The following OR5K4 variants were observed in gnomAD, a reference collection of about 807,000 sequenced individuals.
OR5K4 encodes olfactory receptor family 5 subfamily K member 4, also known as olfactory receptor 5K4.
In OR5K4, 16 loss-of-function variants were observed where a neutral mutation model predicts 11.8. The observed-to-expected ratio is 1.36, with a 90% CI of 0.92 to 2.06. The LOEUF (loss-of-function observed/expected upper bound fraction) is 2.06. Among genes scored for constraint, OR5K4 ranks in the 30% most tolerant of loss-of-function variants. OR5K4 has a pLI of 0.00. For synonymous variants in OR5K4, 152 were observed against 135.1 expected (o/e 1.12, Z -0.87); for missense variants, 442 against 386.9 (o/e 1.14, Z -1.19).
In OR5K4 at chr3:98,354,784, A is replaced by C; in HGVS notation, c.931A>C (p.Thr311Pro). Reference protein sequence around the residue: ...IMRNYNILKQTCSIANLFLIY With the variant: ...IMRNYNILKQPCSIANLFLIY ...GAGGAATTATAACATTCTTAAACAA[A>C]CTTGCTCTATAGCAAATTTATTTTT... The change falls in exon 1 of 1, where the codon ACT (threonine) becomes CCT (proline). Residue 311 changes from threonine (T) to proline (P), a missense_variant. Transcript: ENST00000354924. 1 of 1,376,126 alleles carries C rather than the reference A, an allele frequency of 7.3e-7. No individual in the cohort carries two copies. The highest frequency in any genetic ancestry group is 1.0e-6 in the Non-Finnish European group (1 of 1,003,036). The allele number at this position is 1,376,126 out of a possible 1,614,324, so 85.2% of individuals were successfully genotyped here.
chr3:98,354,682 A>G lies in OR5K4; in HGVS notation c.829A>G (p.Ile277Val), dbSNP rs764917195. ...KDTPVAIFYA[I>V]VIPLLNPFIY... ...TACACCAGTGGCAATATTTTATGCA[A>G]TAGTAATCCCATTACTAAACCCTTT... The change falls in exon 1 of 1, where the codon ATA (isoleucine) becomes GTA (valine). Residue 277 changes from isoleucine to valine, a missense_variant. Transcript: ENST00000354924. 1.9e-6 allele frequency: 3 copies of G among 1,608,098 alleles called. No individual in the cohort carries two copies. Among genetic ancestry groups the G allele is most frequent in the Non-Finnish European group, 2.6e-6 (3 of 1,174,920 alleles).
At position 98,354,587 on chromosome 3, in the gene OR5K4, TTC is replaced by T. The variant is rs756895563; in HGVS notation, c.740_741del (p.Ser247CysfsTer16). On this transcript the variant is annotated frameshift_variant, in exon 1 of 1. Transcript: ENST00000354924. LOFTEE classifies it high-confidence loss of function. ...GCATTTTCTACCTGTGCATCCCACT[TTC>T]TCTCTGTCTCAATATTTTACATTTG... The T allele has an allele frequency of 8.7e-6, 14 of 1,613,832 alleles. No homozygotes were observed. In the East Asian group the frequency reaches 1.6e-4, roughly 18 times the overall value.
chr3:98,354,318 T>G lies in OR5K4; in HGVS notation c.465T>G (p.His155Gln). 1 of 1,614,202 alleles carries G rather than the reference T, an allele frequency of 6.2e-7. No individual in the cohort carries two copies. Among genetic ancestry groups the G allele is most frequent in the Non-Finnish European group, 8.5e-7 (1 of 1,180,032 alleles). ...TTGAFKAGNL[H>Q]SMIHVGLLLR... ...GGGCCTTCAAAGCTGGAAACCTGCA[T>G]TCCATGATTCATGTAGGGCTTTTAT... The change falls in exon 1 of 1, where the codon CAT becomes CAG. Residue 155 changes from histidine (H) to glutamine (Q), a missense_variant. Physicochemically the swap from His to Gln is conservative, Grantham distance 24. Transcript: ENST00000354924.
Position 98,354,622 on chromosome 3 carries a change from A to C in OR5K4, c.769A>C (p.Met257Leu). 1 of 1,613,318 alleles carries C rather than the reference A, an allele frequency of 6.2e-7. No individual in the cohort carries two copies. The highest frequency in any genetic ancestry group is 8.5e-7 in the Non-Finnish European group (1 of 1,179,394). ...SVSIFYICLLMYIGPSEEGDK... is the reference protein window; with the variant it reads ...SVSIFYICLLLYIGPSEEGDK... ...CTCAATATTTTACATTTGTCTTCTC[A>C]TGTATATTGGACCATCTGAAGAAGG... The change falls in exon 1 of 1, where the codon ATG becomes CTG. Residue 257 changes from methionine (M) to leucine (L), a missense_variant. By Grantham distance (15) the Met-to-Leu change is conservative (BLOSUM62 2). Transcript: ENST00000354924.
At position 98,354,094 on chromosome 3, in the gene OR5K4, A is replaced by ATCT. The variant is rs767997558; in HGVS notation, c.242_243insCTT (p.Met81delinsIleLeu). ...CTGTTCCTGTGCTGTTACCCCCAAG[A>ATCT]TGTTAGAGAATTTCTTTTCTGAGGA... On this transcript the variant is annotated protein_altering_variant, in exon 1 of 1. Transcript: ENST00000354924. The ATCT allele has an allele frequency of 1.9e-6, 3 of 1,614,016 alleles. No homozygotes were observed. The highest frequency in any genetic ancestry group is 1.7e-6 in the Non-Finnish European group (2 of 1,180,026).
chr3:98,353,886 A>T lies in OR5K4; in HGVS notation c.33A>T (p.Glu11Asp). 1 of 1,612,902 alleles carries T rather than the reference A, an allele frequency of 6.2e-7. No individual in the cohort carries two copies. Among genetic ancestry groups the T allele is most frequent in the Non-Finnish European group, 8.5e-7 (1 of 1,179,532 alleles). Reference protein sequence around the residue: MARENHSLAAEFILIGFTNYP... With the variant: MARENHSLAADFILIGFTNYP... ...GGGAAAATCACTCCTTAGCAGCTGA[A>T]TTCATCCTCATAGGATTTACAAATT... Residue 11 changes from glutamate to aspartate, a missense_variant, in exon 1 of 1, where the codon GAA (glutamate) becomes GAT (aspartate). By Grantham distance (45) the Glu-to-Asp change is conservative. Coordinates refer to ENST00000354924, the MANE Select transcript of OR5K4 (RefSeq NM_001005517.1).
Position 98,354,677 on chromosome 3 carries a change from A to G in OR5K4, c.824A>G (p.Tyr275Cys). The G allele has an allele frequency of 6.2e-7, 1 of 1,609,102 alleles. No homozygotes were observed. Among genetic ancestry groups the G allele is most frequent in the Non-Finnish European group, 8.5e-7 (1 of 1,175,788 alleles). ...GDKDTPVAIF[Y>C]AIVIPLLNPF... The stretch of plus-strand genomic sequence containing the variant: ...AAAGATACACCAGTGGCAATATTTT[A>G]TGCAATAGTAATCCCATTACTAAAC... Residue 275 changes from tyrosine (Y) to cysteine (C), a missense_variant, in exon 1 of 1, where the codon TAT becomes TGT. Coordinates refer to ENST00000354924, the MANE Select transcript of OR5K4 (RefSeq NM_001005517.1).
rs772967232 is a variant in OR5K4 at position 98,354,071 on chromosome 3, G to A, written c.218G>A (p.Cys73Tyr). 1.5e-5 allele frequency: 25 copies of A among 1,613,980 alleles called. No individual in the cohort carries two copies. The highest frequency in any genetic ancestry group is 3.3e-5 in the South Asian group (3 of 91,070). ...AACCTGGCTCTGATGGATTCCTGCT[G>A]TTCCTGTGCTGTTACCCCCAAGATG... Reference protein sequence around the residue: ...LGNLALMDSCCSCAVTPKMLE... With the variant: ...LGNLALMDSCYSCAVTPKMLE... Residue 73 changes from cysteine (C) to tyrosine (Y), a missense_variant, in exon 1 of 1, where the codon TGT becomes TAT. Transcript: ENST00000354924.
Position 98,354,451 on chromosome 3 carries a change from T to A in OR5K4, c.598T>A (p.Tyr200Asn). The A allele has an allele frequency of 6.2e-7, 1 of 1,610,800 alleles. No individual in the cohort carries two copies. Among genetic ancestry groups the A allele is most frequent in the Non-Finnish European group, 8.5e-7 (1 of 1,176,946 alleles). ...TDPSINELMI[Y>N]IFSIPIQIFT... ...TCCTTCTATTAATGAACTAATGATA[T>A]ATATCTTTTCAATACCAATTCAAAT... Residue 200 changes from tyrosine (Y) to asparagine (N), a missense_variant, in exon 1 of 1, where the codon TAT becomes AAT. Physicochemically the swap from Tyr to Asn is moderately radical, Grantham distance 143. Transcript: ENST00000354924.
Position 98,354,776 on chromosome 3 carries a change from T to G in OR5K4, c.923T>G (p.Leu308Arg). 1 of 1,423,744 alleles carries G rather than the reference T, an allele frequency of 7.0e-7. No homozygotes were observed. 88.2% of individuals were successfully genotyped at this position (1,423,744 alleles called of 1,614,324 possible). The change falls in exon 1 of 1, where the codon CTT becomes CGT. Residue 308 changes from leucine (L) to arginine (R), a missense_variant. Transcript: ENST00000354924. ...AAAATTATGAGGAATTATAACATTC[T>G]TAAACAAACTTGCTCTATAGCAAAT... ...LKKIMRNYNILKQTCSIANLF... is the reference protein window; with the variant it reads ...LKKIMRNYNIRKQTCSIANLF...
At position 98,354,599 on chromosome 3, in the gene OR5K4, C is replaced by G; in HGVS notation, c.746C>G (p.Ser249Ter). Reference protein sequence around the residue: ...STCASHFLSVSIFYICLLMYI... With the variant: ...STCASHFLSV ...TGTGCATCCCACTTTCTCTCTGTCT[C>G]AATATTTTACATTTGTCTTCTCATG... Residue 249 changes from serine (S) to a stop codon, truncating the protein, a stop_gained, in exon 1 of 1, where the codon TCA becomes TGA. Coordinates refer to ENST00000354924, the MANE Select transcript of OR5K4 (RefSeq NM_001005517.1). LOFTEE classifies it high-confidence loss of function. 1 of 1,613,714 alleles carries G rather than the reference C, an allele frequency of 6.2e-7. No individual in the cohort carries two copies. The highest frequency in any genetic ancestry group is 8.5e-7 in the Non-Finnish European group (1 of 1,179,784).
In OR5K4 at chr3:98,354,651, T is replaced by A; in HGVS notation, c.798T>A (p.Asp266Glu). 6.2e-7 allele frequency: 1 copy of A among 1,611,638 alleles called. No homozygotes were observed. The highest frequency in any genetic ancestry group is 1.1e-5 in the South Asian group (1 of 91,018). Residue 266 changes from aspartate to glutamate, a missense_variant, in exon 1 of 1, where the codon GAT becomes GAA. Asp to Glu is a conservative substitution (Grantham distance 45). Transcript: ENST00000354924. ...ATATTGGACCATCTGAAGAAGGAGA[T>A]AAAGATACACCAGTGGCAATATTTT... The part of the protein sequence containing the change: ...LMYIGPSEEG[D>E]KDTPVAIFYA...
Position 98,353,911 on chromosome 3 carries a change from T to C in OR5K4, c.58T>C (p.Tyr20His). 2 of 1,613,874 alleles carry C rather than the reference T, an allele frequency of 1.2e-6. No homozygotes were observed. Among genetic ancestry groups the C allele is most frequent in the Non-Finnish European group, 1.7e-6 (2 of 1,179,942 alleles). The change falls in exon 1 of 1, where the codon TAT (tyrosine) becomes CAT (histidine). Residue 20 changes from tyrosine (Y) to histidine (H), a missense_variant. Physicochemically the swap from Tyr to His is moderately conservative, Grantham distance 83. Coordinates refer to ENST00000354924, the MANE Select transcript of OR5K4 (RefSeq NM_001005517.1). ...AEFILIGFTN[Y>H]PELKTLLFVV... ...ATTCATCCTCATAGGATTTACAAATTATCCAGAGCTGAAGACGCTTCTGTT... is the reference window on the plus strand; with the variant it reads ...ATTCATCCTCATAGGATTTACAAATCATCCAGAGCTGAAGACGCTTCTGTT...
Position 98,354,202 on chromosome 3 carries a change from A to T in OR5K4, c.349A>T (p.Thr117Ser), listed in dbSNP as rs531428374. Residue 117 changes from threonine (T) to serine (S), a missense_variant, in exon 1 of 1, where the codon ACA becomes TCA. Coordinates refer to ENST00000354924, the MANE Select transcript of OR5K4 (RefSeq NM_001005517.1). Reference protein sequence around the residue: ...AETTDCFLLATMAYDRYVAIC... With the variant: ...AETTDCFLLASMAYDRYVAIC... ...AACCACAGACTGCTTTCTTCTGGCGACAATGGCCTATGACCGCTATGTGGC... is the reference window on the plus strand; with the variant it reads ...AACCACAGACTGCTTTCTTCTGGCGTCAATGGCCTATGACCGCTATGTGGC... The T allele has an allele frequency of 3.1e-6, 5 of 1,614,204 alleles. No homozygotes were observed. In the Admixed American group the frequency reaches 8.3e-5, roughly 27 times the overall value.
Position 98,354,570 on chromosome 3 carries a change from T to C in OR5K4, c.717T>C (p.Ser239=), listed in dbSNP as rs750400985. 1 of 1,614,028 alleles carries C rather than the reference T, an allele frequency of 6.2e-7. No homozygotes were observed. The highest frequency in any genetic ancestry group is 8.5e-7 in the Non-Finnish European group (1 of 1,179,942). ...AGGAGGGAAGAGGTAAAGCATTTTC[T>C]ACCTGTGCATCCCACTTTCTCTCTG... ...KSKEGRGKAF[S]TCASHFLSVS... The change falls in exon 1 of 1, where the codon TCT becomes TCC. Residue 239 remains serine (S), a synonymous_variant. Transcript: ENST00000354924.
chr3:98,354,733 G>T lies in OR5K4; in HGVS notation c.880G>T (p.Val294Phe). Reference protein sequence around the residue: ...PFIYSLRNKEVINVLKKIMRN... With the variant: ...PFIYSLRNKEFINVLKKIMRN... The stretch of plus-strand genomic sequence containing the variant: ...TATTTATAGTCTGAGAAATAAGGAG[G>T]TCATAAATGTTCTTAAAAAAATTAT... The change falls in exon 1 of 1, where the codon GTC becomes TTC. Residue 294 changes from valine (V) to phenylalanine (F), a missense_variant. Physicochemically the swap from Val to Phe is conservative, Grantham distance 50 (BLOSUM62 -1). Coordinates refer to ENST00000354924, the MANE Select transcript of OR5K4 (RefSeq NM_001005517.1). 6.5e-7 allele frequency: 1 copy of T among 1,547,558 alleles called. No homozygotes were observed. Among genetic ancestry groups the T allele is most frequent in the Non-Finnish European group, 8.8e-7 (1 of 1,139,048 alleles).
chr3:98,354,194 T>C lies in OR5K4; in HGVS notation c.341T>C (p.Leu114Pro). The change falls in exon 1 of 1, where the codon CTT becomes CCT. Residue 114 changes from leucine (L) to proline (P), a missense_variant. By Grantham distance (98) the Leu-to-Pro change is moderately conservative (BLOSUM62 -3). Transcript: ENST00000354924. ...LCLAETTDCF[L>P]LATMAYDRYV... Reference sequence around the variant, plus strand: ...CTTGCTGAAACCACAGACTGCTTTCTTCTGGCGACAATGGCCTATGACCGC... The same window carrying C: ...CTTGCTGAAACCACAGACTGCTTTCCTCTGGCGACAATGGCCTATGACCGC... 1.2e-6 allele frequency: 2 copies of C among 1,614,234 alleles called. No individual in the cohort carries two copies. Among genetic ancestry groups the C allele is most frequent in the Non-Finnish European group, 1.7e-6 (2 of 1,180,044 alleles).
chr3:98,354,518 T>G lies in OR5K4; in HGVS notation c.665T>G (p.Leu222Arg), dbSNP rs1413692199. 2 of 1,613,490 alleles carry G rather than the reference T, an allele frequency of 1.2e-6. No individual in the cohort carries two copies. Among genetic ancestry groups the G allele is most frequent in the Admixed American group, 3.3e-5 (2 of 60,026 alleles). ...ATVLISYLCI[L>R]LTVFKMKSKE... ...GTCTTGATCTCTTATCTCTGCATCC[T>G]TTTGACTGTTTTCAAAATGAAATCC... Residue 222 changes from leucine (L) to arginine (R), a missense_variant, in exon 1 of 1, where the codon CTT (leucine) becomes CGT (arginine). Coordinates refer to ENST00000354924, the MANE Select transcript of OR5K4 (RefSeq NM_001005517.1).
Position 98,354,209 on chromosome 3 carries a change from C to A in OR5K4, c.356C>A (p.Ala119Asp). 7 of 1,614,180 alleles carry A rather than the reference C, an allele frequency of 4.3e-6. No individual in the cohort carries two copies. The highest frequency in any genetic ancestry group is 5.9e-6 in the Non-Finnish European group (7 of 1,180,024). ...TTDCFLLATMAYDRYVAICHP... is the reference protein window; with the variant it reads ...TTDCFLLATMDYDRYVAICHP... ...GACTGCTTTCTTCTGGCGACAATGG[C>A]CTATGACCGCTATGTGGCCATATGC... The change falls in exon 1 of 1, where the codon GCC (alanine) becomes GAC (aspartate). Residue 119 changes from alanine (A) to aspartate (D), a missense_variant. By Grantham distance (126) the Ala-to-Asp change is moderately radical. Coordinates refer to ENST00000354924, the MANE Select transcript of OR5K4 (RefSeq NM_001005517.1).
Sources: allele counts gnomAD v4.1 joint callset, GRCh38; gene constraint gnomAD v4.1.1; transcripts MANE v1.5; gene names NCBI Gene and HGNC (gene_info 2026-07-23, HGNC 2026-07-21).